RBPJ: variants seen among roughly 807,000 people sequenced by gnomAD.
The protein encoded by RBPJ is recombination signal binding protein for immunoglobulin kappa J region.
A neutral mutation model predicts 67.8 loss-of-function variants in RBPJ; 9 were observed. That is an observed-to-expected ratio of 0.13 (90% CI 0.08 to 0.23). The LOEUF is 0.23. Among genes scored for constraint, RBPJ ranks in the 10% least tolerant of loss-of-function variants. The pLI, the probability that RBPJ is intolerant of heterozygous loss-of-function variation, is 1.00. For missense variants in RBPJ, 305 were observed against 595.6 expected (o/e 0.51, Z 5.08); for synonymous variants, 198 against 203.3 (o/e 0.97, Z 0.22).
In RBPJ at chr4:26,342,355, A is replaced by T. The variant is rs931514091; in HGVS notation, c.20+21307A>T. The stretch of plus-strand genomic sequence containing the variant: ...CTTGCCATCGTTTGGTGAGGGAGGT[A>T]GTATTATCTTGTTTTACAGAAACTT... On this transcript the variant is annotated intron_variant, in intron 1 of 10. Transcript: ENST00000355476. Among the ~76,000 whole-genome samples the T allele has an allele frequency of 4.0e-5, 6 of 151,660 alleles. 1 individual carries two copies.
chr4:26,135,947 A>G, the RBPJ span, among the ~76,000 whole-genome samples: 1 of 152,226 alleles, frequency 6.6e-6, no homozygotes, highest in Non-Finnish European at 1.5e-5. Context: ...AGGTATGTCT[A>G]TAAAGGAAAG....
chr4:26,347,836 A>AATTAAAAGGGGG (rs1354702646), intron 1 of RBPJ, among the ~76,000 whole-genome samples: 1 of 152,210 alleles, frequency 6.6e-6, no homozygotes, highest in Non-Finnish European at 1.5e-5. Context: ...GAAAAGCCTG[A>AATTAAAAGGGGG]ATTAAAAGGG....
the RBPJ span, among the ~76,000 whole-genome samples, chr4:26,135,643 G>C: frequency 1.3e-5 from 2 of 152,144 alleles, no homozygotes; most frequent in African/African-American, 4.8e-5. Context: ...CCTCTGTCCT[G>C]TTTGGCAGAA....
rs903596069 is a variant in RBPJ, at chr4:26,431,954, G to A, written c.*947G>A. On this transcript the variant is annotated 3_prime_UTR_variant, in exon 11 of 11. Coordinates refer to ENST00000355476, the MANE Select transcript of RBPJ (RefSeq NM_015874.6). Reference sequence around the variant, plus strand: ...CGCAGAACTTGTTGATATTTGAAGTGTTCTCTCCCCTTTTCCCATGACGTA... The same window carrying A: ...CGCAGAACTTGTTGATATTTGAAGTATTCTCTCCCCTTTTCCCATGACGTA... 3 of 152,138 alleles carry A rather than the reference G, an allele frequency of 2.0e-5. No individual in the cohort carries two copies. The highest frequency in any genetic ancestry group is 1.9e-4 in the East Asian group (1 of 5,196). 9.4% of individuals were successfully genotyped at this position (152,138 alleles called of 1,614,324 possible).
intron 1 of RBPJ, among the ~76,000 whole-genome samples, chr4:26,354,076 G>A (rs1289163742): frequency 1.3e-5 from 2 of 151,380 alleles, no homozygotes; most frequent in South Asian, 2.1e-4. Flanking sequence ...GACTACAGGC[G>A]CGTGCCACCA....
intron 1 of RBPJ, among the ~76,000 whole-genome samples, chr4:26,343,681 G>A (rs1725798347): frequency 6.7e-6 from 1 of 149,074 alleles, no homozygotes; most frequent in Non-Finnish European, 1.5e-5. Flanking sequence ...CTGAGTACCT[G>A]GGATTACAGG....
intron 2 of RBPJ, among the ~76,000 whole-genome samples, chr4:26,403,388 T>C (rs1361403635): frequency 6.6e-6 from 1 of 152,230 alleles, no homozygotes; most frequent in Non-Finnish European, 1.5e-5. Flanking sequence ...AGAATTTTTT[T>C]TAAAAACTTT....
At chr4:26,364,869 G>A (rs1242136818) in intron 1 of RBPJ, among the ~76,000 whole-genome samples, 2 of 151,242 alleles carry the variant, frequency 1.3e-5, no homozygotes, top group African/African-American at 2.4e-5. Flanking sequence ...TGCCCATGTC[G>A]GCCTCCCGAA....
the RBPJ span, among the ~76,000 whole-genome samples, chr4:26,137,655 C>T: frequency 6.6e-6 from 1 of 152,198 alleles, no homozygotes; most frequent in Non-Finnish European, 1.5e-5. Flanking sequence ...CACAGGTTTT[C>T]CTGAGGATCT....
chr4:26,179,135 A>T, intron 1 of RBPJ, among the ~76,000 whole-genome samples: 1 of 151,940 alleles, frequency 6.6e-6, no homozygotes, highest in Non-Finnish European at 1.5e-5. Context: ...AGTAACAAAA[A>T]AGCAAGCACA....
intron 1 of RBPJ, among the ~76,000 whole-genome samples, chr4:26,303,482 T>C (rs1350035780): frequency 6.8e-6 from 1 of 147,690 alleles, no homozygotes; most frequent in East Asian, 2.0e-4. Context: ...TATAAAGAAA[T>C]ATAATCTTGA....
At chr4:26,228,039 G>A (rs77434827) in intron 1 of RBPJ, among the ~76,000 whole-genome samples, 2 of 152,118 alleles carry the variant, frequency 1.3e-5, no homozygotes, top group South Asian at 2.1e-4. Context: ...TCCCTGCTGC[G>A]GCAAGTCACT....
rs571234867 is a variant in RBPJ at position 26,184,444 on chromosome 4, T to C, written c.-167+20830T>C. Among the ~76,000 whole-genome samples the C allele has an allele frequency of 2.4e-4, 37 of 152,140 alleles. No homozygotes were observed. The South Asian group carries it at 4.8e-3, about 20-fold the overall frequency. Reference sequence around the variant, plus strand: ...CAAGGATGGAGAGTTCCTGTCTTGATAGGATTTTTGCTGAAGGCAGGCCAA... The same window carrying C: ...CAAGGATGGAGAGTTCCTGTCTTGACAGGATTTTTGCTGAAGGCAGGCCAA... On this transcript the variant is annotated intron_variant, in intron 1 of 4. Coordinates refer to the RBPJ transcript ENST00000512351.
At chr4:26,128,356 A>G in the RBPJ span, among the ~76,000 whole-genome samples, 1 of 152,348 alleles carries the variant, frequency 6.6e-6, no homozygotes, top group Non-Finnish European at 1.5e-5. Flanking sequence ...TACAACAAAG[A>G]AAAAGACATC....
intron 1 of RBPJ, among the ~76,000 whole-genome samples, chr4:26,284,319 T>C (rs1394535787): frequency 1.3e-5 from 2 of 152,190 alleles, no homozygotes; most frequent in Non-Finnish European, 2.9e-5. Flanking sequence ...TTACTAACTC[T>C]CCCATAATTG....
At chr4:26,276,733 C>T (rs1721099331) in intron 1 of RBPJ, among the ~76,000 whole-genome samples, 1 of 152,188 alleles carries the variant, frequency 6.6e-6, no homozygotes, top group African/African-American at 2.4e-5. Flanking sequence ...ATTAGAGCTA[C>T]AGGAGTGACT....
chr4:26,376,298 C>T lies in RBPJ; in HGVS notation c.21-10055C>T, dbSNP rs182683337. On this transcript the variant is annotated intron_variant, in intron 1 of 10. Transcript: ENST00000355476. ...AATAACTCTCCATTCTCCCTTCCCC[C>T]CAGGTCCCTGGTAGCCACCAATTTT... Among the ~76,000 whole-genome samples the T allele has an allele frequency of 6.4e-3, 980 of 152,288 alleles. 9 individuals are homozygous for T. The highest frequency in any genetic ancestry group is 9.5e-3 in the Non-Finnish European group (649 of 68,032).
At chr4:26,192,382 T>C (rs1286514495) in intron 1 of RBPJ, among the ~76,000 whole-genome samples, 1 of 152,180 alleles carries the variant, frequency 6.6e-6, no homozygotes, top group Non-Finnish European at 1.5e-5. Flanking sequence ...TAAAATAATA[T>C]TGTGATACTC....
the RBPJ span, among the ~76,000 whole-genome samples, chr4:26,122,585 T>C: frequency 6.6e-6 from 1 of 152,228 alleles, no homozygotes; most frequent in South Asian, 2.1e-4. Flanking sequence ...AATTAACATT[T>C]CTTGGAATTT....
Sources: allele counts gnomAD v4.1 joint callset (sites outside exome capture counted in the v4.1 genomes callset), GRCh38; gene constraint gnomAD v4.1.1; transcripts MANE v1.5; gene names NCBI Gene and HGNC (gene_info 2026-07-23, HGNC 2026-07-21).